Variants in CACNA1E observed in about 807,000 individuals in gnomAD.
The protein encoded by CACNA1E is calcium voltage-gated channel subunit alpha1 E.
In CACNA1E, 40 loss-of-function variants were observed where a neutral mutation model predicts 259.2. The observed-to-expected ratio is 0.15, with a 90% CI of 0.12 to 0.20. CACNA1E has a LOEUF of 0.20. CACNA1E is among the 10% of genes least tolerant of loss of function. CACNA1E has a pLI of 1.00. For missense variants in CACNA1E, 1,874 were observed against 3,040.1 expected (o/e 0.62, Z 9.02); for synonymous variants, 1,104 against 1,138.5 (o/e 0.97, Z 0.61).
At chr1:181,596,333 T>C (rs1207318813) in intron 6 of CACNA1E, among the ~76,000 whole-genome samples, 1 of 152,188 alleles carries the variant, frequency 6.6e-6, no homozygotes, top group Non-Finnish European at 1.5e-5. Flanking sequence ...GGAGTGCAGA[T>C]TGCACAAAGC....
chr1:181,367,604 A>G lies in CACNA1E; in HGVS notation c.-14-45529A>G, dbSNP rs1006806194. Among the ~76,000 whole-genome samples, 17 of 143,184 alleles carry G rather than the reference A, an allele frequency of 1.2e-4. No homozygotes were observed. In the South Asian group the frequency reaches 2.6e-3, roughly 22 times the overall value. The allele number at this position is 143,184 out of a possible 152,430, so 93.9% of individuals were successfully genotyped here. On this transcript the variant is annotated intron_variant, in intron 1 of 11. Transcript: ENST00000524607. ...ATAATATATAATATATAACTATAAT[A>G]TAATTATATAATATATGATTAATCA...
At chr1:181,448,447 G>A (rs1225662767) in intron 2 of CACNA1E, among the ~76,000 whole-genome samples, 3 of 152,230 alleles carry the variant, frequency 2.0e-5, no homozygotes, top group Non-Finnish European at 4.4e-5. Context: ...AGGTGGCTAA[G>A]ATTCCAAATC....
chr1:181,361,103 G>C (rs1259932453), intron 1 of CACNA1E, among the ~76,000 whole-genome samples: 1 of 152,150 alleles, frequency 6.6e-6, no homozygotes, highest in Non-Finnish European at 1.5e-5. Context: ...ACCACTCTGA[G>C]AGCCTTCTTC....
chr1:181,721,142 C>T (rs1302454910), intron 15 of CACNA1E, among the ~76,000 whole-genome samples: 1 of 152,146 alleles, frequency 6.6e-6, no homozygotes, highest in East Asian at 1.9e-4. Flanking sequence ...AGCCAAGAAT[C>T]ACATCTATGG....
chr1:181,578,995 G>A (rs1651253370), intron 4 of CACNA1E, 77 bp from the exon 5 acceptor site: 2 of 1,229,414 alleles, frequency 1.6e-6, no homozygotes, highest in East Asian at 2.5e-5. Context: ...AAACCAATGA[G>A]GGAATGAAAC....
chr1:181,565,882 T>TGG (rs141573397), intron 3 of CACNA1E, among the ~76,000 whole-genome samples: 7 of 144,012 alleles, frequency 4.9e-5, no homozygotes, highest in Admixed American at 2.9e-4. Context: ...TTCCTGGTCC[T>TGG]GGGGGGTACC....
chr1:181,522,702 A>G (rs971015853), intron 3 of CACNA1E, among the ~76,000 whole-genome samples: 2 of 152,188 alleles, frequency 1.3e-5, no homozygotes, highest in Non-Finnish European at 2.9e-5. Flanking sequence ...CTACCCACTC[A>G]TTTGGAAGAG....
chr1:181,334,932 C>G (rs1044348493), intron 1 of CACNA1E, among the ~76,000 whole-genome samples: 1 of 152,212 alleles, frequency 6.6e-6, no homozygotes, highest in African/African-American at 2.4e-5. Context: ...CCGCTTATCT[C>G]CCTGGACTGT....
intron 1 of CACNA1E, among the ~76,000 whole-genome samples, chr1:181,388,930 G>A (rs1454166905): frequency 3.3e-5 from 5 of 152,034 alleles, no homozygotes; most frequent in South Asian, 2.1e-4. Flanking sequence ...TGGGAGCATC[G>A]TTGTATATGC....
intron 5 of CACNA1E, among the ~76,000 whole-genome samples, chr1:181,579,462 G>T (rs1201288353): frequency 6.6e-6 from 1 of 152,076 alleles, no homozygotes; most frequent in Admixed American, 6.6e-5. Context: ...GATGGTCTTG[G>T]CTCCCCTATC....
At chr1:181,391,945 C>CTCTCTG (rs1477039835) in intron 1 of CACNA1E, among the ~76,000 whole-genome samples, 1 of 118,194 alleles carries the variant, frequency 8.5e-6, no homozygotes, top group Non-Finnish European at 1.7e-5. Flanking sequence ...CTCTCTCTCT[C>CTCTCTG]TGTGTGTGTG....
chr1:181,327,815 C>T (rs777125129), intron 1 of CACNA1E, among the ~76,000 whole-genome samples: 3 of 152,216 alleles, frequency 2.0e-5, no homozygotes, highest in Admixed American at 6.5e-5. Context: ...AAATCACCTC[C>T]GATCTCAGAG....
intron 1 of CACNA1E, among the ~76,000 whole-genome samples, chr1:181,339,253 T>A (rs1651956932): frequency 6.6e-6 from 1 of 152,196 alleles, no homozygotes; most frequent in Non-Finnish European, 1.5e-5. Flanking sequence ...CGTTGGGCAG[T>A]GTGACCATTT....
At chr1:181,699,595 TC>T (rs1652035588) in intron 7 of CACNA1E, among the ~76,000 whole-genome samples, 1 of 152,168 alleles carries the variant, frequency 6.6e-6, no homozygotes. Context: ...CACCCTGTTT[TC>T]CTGCTATGAA....
intron 1 of CACNA1E, among the ~76,000 whole-genome samples, chr1:181,349,648 G>A (rs1250029187): frequency 6.6e-6 from 1 of 152,126 alleles, no homozygotes; most frequent in Non-Finnish European, 1.5e-5. Context: ...ACTGAGACAG[G>A]CCTGTGTAGG....
intron 3 of CACNA1E, among the ~76,000 whole-genome samples, chr1:181,546,227 G>A (rs1485198606): frequency 2.0e-5 from 3 of 152,170 alleles, no homozygotes; most frequent in African/African-American, 7.2e-5. Context: ...CAAGAGGGAG[G>A]CTGGAAGAGA....
chr1:181,771,082 G>A (rs1659465861), intron 35 of CACNA1E, among the ~76,000 whole-genome samples: 1 of 152,186 alleles, frequency 6.6e-6, no homozygotes, highest in Non-Finnish European at 1.5e-5. Flanking sequence ...TGCTGCATGG[G>A]TCCCCTTTGC....
chr1:181,567,993 A>G (rs1055784325), intron 3 of CACNA1E, among the ~76,000 whole-genome samples: 20 of 152,140 alleles, frequency 1.3e-4, no homozygotes, highest in African/African-American at 4.6e-4. Flanking sequence ...CTTGTGATGT[A>G]AAATACATTG....
chr1:181,508,274 A>G (rs538000483), intron 1 of CACNA1E, among the ~76,000 whole-genome samples: 224 of 152,172 alleles, frequency 1.5e-3, no homozygotes, highest in African/African-American at 5.1e-3. Flanking sequence ...GCTTTCTCTC[A>G]TTGGTTGATT....
Sources: allele counts gnomAD v4.1 joint callset (sites outside exome capture counted in the v4.1 genomes callset), GRCh38; gene constraint gnomAD v4.1.1; transcripts MANE v1.5; gene names NCBI Gene and HGNC (gene_info 2026-07-23, HGNC 2026-07-21).